Variants in KIF2A observed in about 807,000 individuals in gnomAD.
KIF2A encodes the protein kinesin family member 2A, also known as kinesin-like protein KIF2A.
In KIF2A, 22 loss-of-function variants were observed where a neutral mutation model predicts 100.2. The observed-to-expected ratio is 0.22, with a 90% CI of 0.16 to 0.31. KIF2A has a LOEUF of 0.31. Ranked by LOEUF, KIF2A falls within the 10% of genes least tolerant of loss-of-function variation. The pLI is 1.00. For synonymous variants in KIF2A, 268 were observed against 285.9 expected (o/e 0.94, Z 0.63); for missense variants, 495 against 898.7 (o/e 0.55, Z 5.74).
intron 1 of KIF2A, among the ~76,000 whole-genome samples, chr5:62,324,844 GAAAA>G (rs59057535): frequency 0.52 from 78,307 of 151,318 alleles, 20,989 homozygotes; most frequent in South Asian, 0.65. Context: ...ACAACAAAAA[GAAAA>G]AAAATGACAA....
chr5:62,373,697 T>G lies in KIF2A; in HGVS notation c.1771T>G (p.Leu591Val). 1 of 1,613,298 alleles carries G rather than the reference T, an allele frequency of 6.2e-7. No homozygotes were observed. Residue 591 changes from leucine (L) to valine (V), a missense_variant, in exon 18 of 21, where the codon TTG becomes GTG. Leu to Val is a conservative substitution (Grantham distance 32). Around this residue, in one of 10 missense-constraint regions of KIF2A, gnomAD observed 100 missense variants for 138.2 expected, o/e 0.72. Coordinates refer to ENST00000407818, the MANE Select transcript of KIF2A (RefSeq NM_001098511.3). ...FSPSVTRVKE[L>V]TVDPTAAGDV... ...CTTATGTATTTATAGGGTCAAAGAA[T>G]TGACTGTAGATCCAACTGCTGCTGG... is the stretch of plus-strand genomic sequence containing the variant.
Position 62,373,825 on chromosome 5 carries a change from T to C in KIF2A, c.1899T>C (p.Leu633=). 6.2e-7 allele frequency: 1 copy of C among 1,610,862 alleles called. No homozygotes were observed. The highest frequency in any genetic ancestry group is 2.2e-5 in the East Asian group (1 of 44,846). ...SSPQRDDLKL[L]CEQNEEEVSP... is the part of the protein sequence containing the mutation. ...CTCAGAGAGATGATCTAAAACTTCT[T>C]TGTGAACAAAATGTGAGTGTACTAT... The change falls in exon 18 of 21, where the codon CTT becomes CTC. Residue 633 remains leucine (L), a synonymous_variant. Transcript: ENST00000407818.
chr5:62,317,710 C>T (rs1245207620), intron 1 of KIF2A, among the ~76,000 whole-genome samples: 1 of 152,180 alleles, frequency 6.6e-6, no homozygotes, highest in Non-Finnish European at 1.5e-5. Context: ...ATTAATCCAA[C>T]TAATATTTGC....
intron 1 of KIF2A, among the ~76,000 whole-genome samples, chr5:62,330,942 G>A (rs1024294946): frequency 6.6e-5 from 10 of 152,046 alleles, no homozygotes; most frequent in African/African-American, 2.4e-4. Flanking sequence ...GTAGTAATAT[G>A]TTATAAAGCA....
intron 20 of KIF2A, among the ~76,000 whole-genome samples, chr5:62,385,185 G>T (rs1002637311): frequency 6.6e-6 from 1 of 151,862 alleles, no homozygotes; most frequent in Admixed American, 6.6e-5. Flanking sequence ...TGTGAAACCT[G>T]CCTATACTCT....
rs746214815 is a variant in KIF2A, at chr5:62,387,137, T to C, written c.*1568T>C. 5.9e-5 allele frequency: 9 copies of C among 152,098 alleles called. No homozygotes were observed. The highest frequency in any genetic ancestry group is 1.2e-4 in the Non-Finnish European group (8 of 68,006). The allele number at this position is 152,098 out of a possible 1,614,324, so 9.4% of individuals were successfully genotyped here. On this transcript the variant is annotated 3_prime_UTR_variant, in exon 21 of 21. Transcript: ENST00000407818. ...CTGTAAACATGAAATCTAAAACAAA[T>C]GTAGATTTTCACAATATGCTTATTA...
chr5:62,307,656 C>A (rs1745376344), intron 1 of KIF2A, among the ~76,000 whole-genome samples: 1 of 143,028 alleles, frequency 7.0e-6, no homozygotes, highest in Non-Finnish European at 1.5e-5. Context: ...GACGGATTTT[C>A]ACCCAGGCTG....
rs559944278 is a variant in KIF2A, at chr5:62,367,370, G to A, written c.1646+889G>A. Among the ~76,000 whole-genome samples, 300 of 152,066 alleles carry A rather than the reference G, an allele frequency of 2.0e-3. 2 individuals are homozygous for A. The highest frequency in any genetic ancestry group is 3.7e-3 in the Non-Finnish European group (251 of 67,986). On this transcript the variant is annotated intron_variant, in intron 16 of 20. Coordinates refer to ENST00000407818, the MANE Select transcript of KIF2A (RefSeq NM_001098511.3). ...CAACCTCCACTTCCTGAGTTCAAGC[G>A]ATTTTCCTGCCTCAGCCCCCTGGGT...
At chr5:62,308,330 A>G (rs1040570835) in intron 1 of KIF2A, 5 of 1,438,796 alleles carry the variant, frequency 3.5e-6, no homozygotes. Context: ...TTCACAGTAT[A>G]CCAGCAAAAG....
chr5:62,308,196 T>C, intron 1 of KIF2A: 2 of 441,242 alleles, frequency 4.5e-6, no homozygotes, highest in East Asian at 4.7e-5. Context: ...CTTTAGAAAT[T>C]ACCAATAACA....
intron 19 of KIF2A, 35 bp from the exon 20 acceptor site, chr5:62,381,083 A>C: frequency 6.5e-7 from 1 of 1,541,892 alleles, no homozygotes; most frequent in Admixed American, 1.8e-5. Flanking sequence ...TTGCACAAAG[A>C]TGCTTATTGG....
chr5:62,320,303 G>A (rs1746034719), intron 1 of KIF2A, among the ~76,000 whole-genome samples: 1 of 152,104 alleles, frequency 6.6e-6, no homozygotes, highest in Non-Finnish European at 1.5e-5. Flanking sequence ...CAATACTGTA[G>A]TATTTAATAG....
rs1472941487 is a variant in KIF2A, at chr5:62,386,953, A to G, written c.*1384A>G. On this transcript the variant is annotated 3_prime_UTR_variant, in exon 21 of 21. Transcript: ENST00000407818. ...TAGATTAACAGCTAAAAATCTCCCA[A>G]GGATATCTTGTTTTGATTTATTTAC... Among the ~76,000 whole-genome samples, 4 of 152,190 alleles carry G rather than the reference A, an allele frequency of 2.6e-5. No homozygotes were observed. The highest frequency in any genetic ancestry group is 5.9e-5 in the Non-Finnish European group (4 of 68,038).
chr5:62,324,925 G>A (rs1171169455), intron 1 of KIF2A, among the ~76,000 whole-genome samples: 1 of 152,036 alleles, frequency 6.6e-6, no homozygotes, highest in Non-Finnish European at 1.5e-5. Flanking sequence ...CTACAGAATG[G>A]GAGAAAATAT....
intron 16 of KIF2A, among the ~76,000 whole-genome samples, chr5:62,370,261 T>G (rs1741260771): frequency 6.6e-6 from 1 of 152,166 alleles, no homozygotes; most frequent in South Asian, 2.1e-4. Context: ...TTGACAAGTC[T>G]AGTTCATCAG....
intron 1 of KIF2A, among the ~76,000 whole-genome samples, chr5:62,342,335 C>T (rs1257692974): frequency 6.6e-6 from 1 of 152,156 alleles, no homozygotes; most frequent in Non-Finnish European, 1.5e-5. Flanking sequence ...CTCTTCATTC[C>T]CACTACCAGT....
intron 1 of KIF2A, among the ~76,000 whole-genome samples, chr5:62,320,704 C>T (rs1370099019): frequency 6.6e-6 from 1 of 151,808 alleles, no homozygotes; most frequent in Non-Finnish European, 1.5e-5. Flanking sequence ...AAGAGTATAT[C>T]CTATATTATG....
At chr5:62,375,063 A>G (rs977049410) in intron 18 of KIF2A, among the ~76,000 whole-genome samples, 6 of 152,262 alleles carry the variant, frequency 3.9e-5, no homozygotes, top group African/African-American at 1.4e-4. Context: ...CTGTATGATT[A>G]AAATTTTTAA....
At chr5:62,344,480 T>C (rs1747456892) in intron 1 of KIF2A, among the ~76,000 whole-genome samples, 1 of 151,806 alleles carries the variant, frequency 6.6e-6, no homozygotes, top group Non-Finnish European at 1.5e-5. Flanking sequence ...ATCTGACACA[T>C]GAGATGATAA....
Sources: gnomAD v4.1 joint callset for allele counts (sites outside exome capture counted in the v4.1 genomes callset) on GRCh38, gnomAD v4.1.1 for gene constraint, gnomAD v4.1.1 regional missense constraint, MANE v1.5 for transcripts, NCBI Gene and HGNC (gene_info 2026-07-23, HGNC 2026-07-21) for gene names.